The following NBAS variants were observed in gnomAD, a reference collection of about 807,000 sequenced individuals.
The protein encoded by NBAS is NAG/BC035112 fusion.
In NBAS, 219 loss-of-function variants were observed where a neutral mutation model predicts 302.5. The ratio of observed to expected loss-of-function variants is 0.72; its 90% CI spans 0.65 to 0.81. The LOEUF is 0.81. Ranked by LOEUF, NBAS falls within the 30% of genes least tolerant of loss-of-function variation. The pLI is 0.00. For missense variants in NBAS, 2,932 were observed against 2,841.6 expected (o/e 1.03, Z -0.72); for synonymous variants, 1,118 against 1,021.6 (o/e 1.09, Z -1.80).
chr2:15,272,887 C>T (rs769140761), intron 44 of NBAS, among the ~76,000 whole-genome samples: 3 of 152,058 alleles, frequency 2.0e-5, no homozygotes, highest in Admixed American at 1.3e-4. Context: ...GAAACTAAAG[C>T]GATGAGAATG....
chr2:15,025,060 T>A, the NBAS span, among the ~76,000 whole-genome samples: 117,181 of 152,068 alleles, frequency 0.77, 45,420 homozygotes, highest in East Asian at 1. Context: ...CAAAATGGTA[T>A]TTCCTAGGTT....
chr2:15,249,223 A>T (rs1393380808), intron 44 of NBAS, among the ~76,000 whole-genome samples: 1 of 152,200 alleles, frequency 6.6e-6, no homozygotes, highest in African/African-American at 2.4e-5. Context: ...CCACATGATT[A>T]TCTCAATAGA....
At chr2:14,779,090 T>A in the NBAS span, among the ~76,000 whole-genome samples, 2 of 152,116 alleles carry the variant, frequency 1.3e-5, no homozygotes, top group African/African-American at 4.8e-5. Flanking sequence ...CTTGCAGAGT[T>A]CAGGTAATCA....
intron 9 of NBAS, among the ~76,000 whole-genome samples, chr2:15,523,192 A>G (rs1662759799): frequency 6.6e-6 from 1 of 152,178 alleles, no homozygotes; most frequent in Non-Finnish European, 1.5e-5. Context: ...ACTAAACACA[A>G]TGAAAAATAC....
the NBAS span, among the ~76,000 whole-genome samples, chr2:14,825,614 A>G: frequency 6.6e-5 from 10 of 152,192 alleles, no homozygotes; most frequent in Non-Finnish European, 1.5e-4. Context: ...ACCTCACGTC[A>G]GGGCTTTTGC....
the NBAS span, among the ~76,000 whole-genome samples, chr2:14,944,635 C>CA: frequency 8.6e-5 from 13 of 150,408 alleles, no homozygotes; most frequent in Admixed American, 3.3e-4. Flanking sequence ...TACAGAAAAT[C>CA]AAAAAATGAA....
chr2:14,871,310 C>T, the NBAS span, among the ~76,000 whole-genome samples: 8 of 151,942 alleles, frequency 5.3e-5, no homozygotes, highest in African/African-American at 1.7e-4. Context: ...CTTACAGACT[C>T]CTAGAACCAA....
rs556345754 is a variant in NBAS, at chr2:15,351,234, C to A, written c.4179+758G>T. On this transcript the variant is annotated intron_variant, in intron 35 of 51. Transcript: ENST00000281513. ...TAAGTATAACTATTTCTATAAAATA[C>A]AAAAACAGGTAAAACTAAACTATCA... Among the ~76,000 whole-genome samples, 24 of 152,166 alleles carry A rather than the reference C, an allele frequency of 1.6e-4. No homozygotes were observed. The South Asian group carries it at 4.8e-3, about 30-fold the overall frequency.
At chr2:15,348,605 C>A (rs934085625) in intron 35 of NBAS, among the ~76,000 whole-genome samples, 1 of 151,750 alleles carries the variant, frequency 6.6e-6, no homozygotes, top group African/African-American at 2.4e-5. Flanking sequence ...ATTCCATGCT[C>A]AACAGAAAAA....
intron 28 of NBAS, chr2:15,393,874 C>T (rs11678132): frequency 0.63 from 236,572 of 377,310 alleles, 76,187 homozygotes; most frequent in Middle Eastern, 0.68. Context: ...CACTGTGTGA[C>T]TGATTTCTAT....
intron 44 of NBAS, among the ~76,000 whole-genome samples, chr2:15,270,734 T>A (rs1015594606): frequency 6.6e-6 from 1 of 152,182 alleles, no homozygotes; most frequent in East Asian, 1.9e-4. Flanking sequence ...TTAACATAAC[T>A]TAAAAATTCT....
the NBAS span, among the ~76,000 whole-genome samples, chr2:15,141,214 G>A: frequency 2.1e-5 from 3 of 145,902 alleles, no homozygotes; most frequent in South Asian, 2.2e-4. Context: ...TTCCTCTCCC[G>A]CTCCCTCTGC....
the NBAS span, among the ~76,000 whole-genome samples, chr2:15,126,228 C>T: frequency 3.3e-5 from 5 of 152,174 alleles, no homozygotes; most frequent in African/African-American, 1.2e-4. Context: ...CATGCTGGCT[C>T]CCTGTGGCCT....
the NBAS span, among the ~76,000 whole-genome samples, chr2:15,038,305 G>A: frequency 2.0e-5 from 3 of 151,712 alleles, no homozygotes; most frequent in Non-Finnish European, 4.4e-5. Context: ...TTCACCATGG[G>A]GTTTCACCAT....
At chr2:15,552,089 A>T (rs1664410513) in intron 5 of NBAS, among the ~76,000 whole-genome samples, 1 of 152,220 alleles carries the variant, frequency 6.6e-6, no homozygotes, top group Non-Finnish European at 1.5e-5. Flanking sequence ...TAAAAATGAA[A>T]ACTGGTAAAC....
the NBAS span, among the ~76,000 whole-genome samples, chr2:15,031,106 G>C: frequency 6.6e-6 from 1 of 152,212 alleles, no homozygotes; most frequent in Non-Finnish European, 1.5e-5. Flanking sequence ...TTTACAGAAT[G>C]TATAGTTCCT....
At chr2:15,465,041 G>T (rs1679663301) in intron 19 of NBAS, among the ~76,000 whole-genome samples, 1 of 152,208 alleles carries the variant, frequency 6.6e-6, no homozygotes, top group African/African-American at 2.4e-5. Context: ...CCATAAAATG[G>T]AGAGAAGATG....
At chr2:15,285,666 T>C (rs1317520849) in intron 42 of NBAS, among the ~76,000 whole-genome samples, 2 of 152,232 alleles carry the variant, frequency 1.3e-5, no homozygotes, top group African/African-American at 4.8e-5. Flanking sequence ...ATTTTTTCTT[T>C]TTTTGAGACA....
the NBAS span, among the ~76,000 whole-genome samples, chr2:15,063,787 G>C: frequency 2.0e-5 from 3 of 152,196 alleles, no homozygotes; most frequent in Non-Finnish European, 4.4e-5. Context: ...GCCAAGGAGA[G>C]AGGTCTCAGG....
Sources: gnomAD v4.1 joint callset for allele counts (sites outside exome capture counted in the v4.1 genomes callset) on GRCh38, gnomAD v4.1.1 for gene constraint, MANE v1.5 for transcripts, NCBI Gene and HGNC (gene_info 2026-07-23, HGNC 2026-07-21) for gene names.